Variants in OSBPL1A observed in about 807,000 individuals in gnomAD.
OSBPL1A encodes oxysterol-binding protein-related protein 1.
A neutral mutation model predicts 137.1 loss-of-function variants in OSBPL1A; 80 were observed. The ratio of observed to expected loss-of-function variants is 0.58; its 90% CI spans 0.49 to 0.70. The LOEUF (loss-of-function observed/expected upper bound fraction) is 0.70. Ranked by LOEUF, OSBPL1A falls within the 30% of genes least tolerant of loss-of-function variation. The pLI, the probability that OSBPL1A is intolerant of heterozygous loss-of-function variation, is 0.00. For missense variants in OSBPL1A, 970 were observed against 1,129.4 expected (o/e 0.86, Z 2.02); for synonymous variants, 365 against 389.7 (o/e 0.94, Z 0.75).
At position 24,271,664 on chromosome 18, in the gene OSBPL1A, C is replaced by G. The variant is rs879858765; in HGVS notation, c.1281+9178G>C. 1.0e-6 allele frequency: 1 copy of G among 985,786 alleles called. No individual in the cohort carries two copies. Among genetic ancestry groups the G allele is most frequent in the African/African-American group, 1.7e-5 (1 of 57,262 alleles). 61.1% of individuals were successfully genotyped at this position (985,786 alleles called of 1,614,324 possible). On this transcript the variant is annotated intron_variant, in intron 15 of 27. Transcript: ENST00000319481. The surrounding 1 kb of genome is among the most constrained non-coding windows in gnomAD (Gnocchi z 4.0). ...ACCCCGGCTGGCGCGCTCCACCCTG[C>G]GCTCCTCGCAAGCTCCAGCGCGAAT... is the stretch of plus-strand genomic sequence containing the variant.
intron 15 of OSBPL1A, among the ~76,000 whole-genome samples, chr18:24,265,236 T>C (rs574830723): frequency 1.3e-5 from 2 of 152,314 alleles, no homozygotes; most frequent in South Asian, 2.1e-4. Context: ...TCCCAGCACT[T>C]TGGGAGGCCG....
At chr18:24,213,974 T>C (rs960829698) in intron 17 of OSBPL1A, among the ~76,000 whole-genome samples, 1 of 152,244 alleles carries the variant, frequency 6.6e-6, no homozygotes, top group African/African-American at 2.4e-5. Flanking sequence ...AAAAAATATC[T>C]CTGAATCAGG....
Position 24,341,535 on chromosome 18 carries a change from C to T in OSBPL1A, c.394+12G>A. 1 of 1,589,106 alleles carries T rather than the reference C, an allele frequency of 6.3e-7. No homozygotes were observed. The highest frequency in any genetic ancestry group is 8.6e-7 in the Non-Finnish European group (1 of 1,159,486). On this transcript the variant is annotated intron_variant, in intron 5 of 27. Coordinates refer to ENST00000319481, the MANE Select transcript of OSBPL1A (RefSeq NM_080597.4). ...AGTAAATGCTGTTTATGTTCACATC[C>T]ATGATATTTACCTTCAAGCATGCTT... is the stretch of plus-strand genomic sequence containing the variant.
rs1214138891 is a variant in OSBPL1A, at chr18:24,178,207, A to G, written c.1911-12T>C. On this transcript the variant is annotated splice_polypyrimidine_tract_variant and intron_variant, in intron 20 of 27. Transcript: ENST00000319481. ...ATCCAAGGTCATCTCTTAAGATTTA[A>G]AAAAAAAAAAAAAGAAAAAAAAAAG... is the stretch of plus-strand genomic sequence containing the variant. 2.7e-6 allele frequency: 3 copies of G among 1,097,554 alleles called. No individual in the cohort carries two copies. Among genetic ancestry groups the G allele is most frequent in the Non-Finnish European group, 3.7e-6 (3 of 810,298 alleles). 68.0% of individuals were successfully genotyped at this position (1,097,554 alleles called of 1,614,324 possible).
chr18:24,179,690 C>T (rs923949079), intron 20 of OSBPL1A, 48 bp downstream of exon 20: 2 of 1,478,970 alleles, frequency 1.4e-6, no homozygotes, highest in African/African-American at 2.8e-5. Context: ...ATGTATTTCT[C>T]CTCTTCATCT....
intron 2 of OSBPL1A, among the ~76,000 whole-genome samples, chr18:24,371,430 T>C (rs1310008863): frequency 1.3e-5 from 2 of 152,166 alleles, no homozygotes; most frequent in Admixed American, 6.5e-5. Flanking sequence ...AAATCAACCA[T>C]CCCACCTATA....
chr18:24,275,154 C>A (rs1303800783), intron 15 of OSBPL1A, among the ~76,000 whole-genome samples: 1 of 152,090 alleles, frequency 6.6e-6, no homozygotes. Flanking sequence ...GAAAGTATCA[C>A]ATTTTCAAAA....
chr18:24,315,819 T>TATA (rs1555649720), intron 11 of OSBPL1A, among the ~76,000 whole-genome samples: 14 of 52,740 alleles, frequency 2.7e-4, no homozygotes, highest in East Asian at 1.5e-3. Flanking sequence ...TATAATAAAA[T>TATA]ATATAATATA....
chr18:24,325,617 C>G (rs2090960732), intron 7 of OSBPL1A, among the ~76,000 whole-genome samples: 1 of 152,182 alleles, frequency 6.6e-6, no homozygotes, highest in Non-Finnish European at 1.5e-5. Context: ...TTTTCCTGCA[C>G]CTCATGGCCT....
chr18:24,354,748 C>CAAAAAAA (rs59694707), intron 4 of OSBPL1A, among the ~76,000 whole-genome samples: 385 of 76,994 alleles, frequency 5.0e-3, no homozygotes, highest in Middle Eastern at 0.019. Flanking sequence ...CTCAATATAG[C>CAAAAAAA]AAAAAAAAAA....
At chr18:24,269,818 T>C (rs2089670974) in intron 15 of OSBPL1A, among the ~76,000 whole-genome samples, 1 of 147,678 alleles carries the variant, frequency 6.8e-6, no homozygotes. Flanking sequence ...CTTATCAGGA[T>C]AGATCTTGAG....
intron 7 of OSBPL1A, among the ~76,000 whole-genome samples, chr18:24,322,511 G>C (rs1164544427): frequency 1.3e-5 from 2 of 151,832 alleles, no homozygotes; most frequent in African/African-American, 4.8e-5. Flanking sequence ...TTCTTTAGTG[G>C]GGAAAAAACT....
At chr18:24,228,991 A>G (rs551871848) in intron 16 of OSBPL1A, among the ~76,000 whole-genome samples, 56 of 152,294 alleles carry the variant, frequency 3.7e-4, no homozygotes, top group Middle Eastern at 6.8e-3. Flanking sequence ...ACTTGAGGTC[A>G]GGAGTTCAAG....
intron 14 of OSBPL1A, among the ~76,000 whole-genome samples, chr18:24,282,376 A>G (rs1402928320): frequency 1.3e-5 from 2 of 152,168 alleles, no homozygotes; most frequent in African/African-American, 2.4e-5. Flanking sequence ...CATTAACTCT[A>G]CTTCCTATTT....
At chr18:24,373,172 A>C (rs984436532) in intron 2 of OSBPL1A, among the ~76,000 whole-genome samples, 1 of 152,232 alleles carries the variant, frequency 6.6e-6, no homozygotes, top group Non-Finnish European at 1.5e-5. Flanking sequence ...ATCTAAAAGG[A>C]TGTGTTCAAT....
intron 1 of OSBPL1A, among the ~76,000 whole-genome samples, chr18:24,390,773 C>T (rs1209945378): frequency 6.7e-6 from 1 of 149,516 alleles, no homozygotes; most frequent in East Asian, 1.9e-4. Context: ...TTCTCATTTT[C>T]CATGCTCTTG....
chr18:24,365,030 A>C (rs1599719062), intron 4 of OSBPL1A, among the ~76,000 whole-genome samples: 2 of 149,940 alleles, frequency 1.3e-5, no homozygotes, highest in Admixed American at 6.6e-5. Flanking sequence ...AACAACAAAA[A>C]AAAAAAAAAA....
chr18:24,169,463 G>C (rs767328636), intron 24 of OSBPL1A, among the ~76,000 whole-genome samples: 6 of 152,204 alleles, frequency 3.9e-5, no homozygotes, highest in Non-Finnish European at 7.3e-5. Flanking sequence ...TGGCAGAAAT[G>C]ACTTTATCAG....
At chr18:24,314,439 A>G in intron 11 of OSBPL1A, 92 bp from the exon 12 acceptor site, 2 of 796,740 alleles carry the variant, frequency 2.5e-6, no homozygotes, top group Non-Finnish European at 2.0e-6. Context: ...TAGTGACATG[A>G]CTTAACGATA....
Sources: allele counts gnomAD v4.1 joint callset (sites outside exome capture counted in the v4.1 genomes callset), GRCh38; gene constraint gnomAD v4.1.1; non-coding constraint Gnocchi (gnomAD v3.1); transcripts MANE v1.5; gene names NCBI Gene and HGNC (gene_info 2026-07-23, HGNC 2026-07-21).